FAT2: variants seen among roughly 807,000 people sequenced by gnomAD.
The protein encoded by FAT2 is FAT atypical cadherin 2, also known as protocadherin Fat 2.
In FAT2, 150 loss-of-function variants were observed where a neutral mutation model predicts 295.3. The ratio of observed to expected loss-of-function variants is 0.51; its 90% confidence interval spans 0.44 to 0.58. FAT2 has a LOEUF of 0.58. FAT2 is among the 20% of genes least tolerant of loss of function. The pLI is 0.00. For synonymous variants in FAT2, 2,026 were observed against 2,150.3 expected, an observed-to-expected ratio of 0.94 and a Z score of 1.60; for missense variants, 4,868 against 5,442.7, an observed-to-expected ratio of 0.89 and a Z score of 3.32.
chr5:151,591,242 A>G lies in FAT2; in HGVS notation c.-98T>C, dbSNP rs1306853181. Among the ~76,000 whole-genome samples the G allele has an allele frequency of 6.6e-6, 1 of 152,236 alleles. No individual in the cohort carries two copies. Among genetic ancestry groups the G allele is most frequent in the Non-Finnish European group, 1.5e-5 (1 of 68,036 alleles). ...CCCCTCTCACGAGGGCCAGGCTGAC[A>G]GGCTCCTGAGGGAGGTGCAGAGACT... On this transcript the variant is annotated 5_prime_UTR_variant, in exon 1 of 24. Transcript: ENST00000261800.
At chr5:151,510,313 G>T in intron 21 of FAT2, 139 bp from the exon 22 acceptor site, 2 of 986,122 alleles carry the variant, frequency 2.0e-6, no homozygotes, top group Non-Finnish European at 3.0e-6. Flanking sequence ...GCCCAATACC[G>T]TGCTGGGCAT....
At chr5:151,522,355 C>G (rs984168986) in intron 18 of FAT2, among the ~76,000 whole-genome samples, 1 of 152,230 alleles carries the variant, frequency 6.6e-6, no homozygotes, top group Admixed American at 6.5e-5. Flanking sequence ...CATGTGACAT[C>G]TCTCTGAGCC....
At chr5:151,558,037 T>G (rs748299701) in intron 3 of FAT2, among the ~76,000 whole-genome samples, 1 of 152,340 alleles carries the variant, frequency 6.6e-6, no homozygotes, top group Non-Finnish European at 1.5e-5. Flanking sequence ...CAGCCTCCTC[T>G]GCAAAAGGAG....
chr5:151,557,659 A>G (rs919067904), intron 3 of FAT2, among the ~76,000 whole-genome samples: 2 of 152,192 alleles, frequency 1.3e-5, no homozygotes, highest in East Asian at 1.9e-4. Flanking sequence ...CTGCAGCCAT[A>G]CTATGTTTGG....
intron 17 of FAT2, among the ~76,000 whole-genome samples, chr5:151,526,665 G>A (rs1228012469): frequency 6.6e-6 from 1 of 152,118 alleles, no homozygotes; most frequent in Non-Finnish European, 1.5e-5. Context: ...TTTTTAGTCA[G>A]GTAACTTATT....
chr5:151,565,461 A>ATATGTG (rs1206137301), intron 2 of FAT2, among the ~76,000 whole-genome samples: 2 of 152,172 alleles, frequency 1.3e-5, no homozygotes, highest in Non-Finnish European at 2.9e-5. Flanking sequence ...ATATGTGCAT[A>ATATGTG]TATGTGTATG....
Position 151,507,613 on chromosome 5 carries a change from T to C in FAT2, c.12060-2A>G. On this transcript the variant is annotated splice_acceptor_variant, in intron 22 of 23. Coordinates refer to ENST00000261800, the MANE Select transcript of FAT2 (RefSeq NM_001447.3). LOFTEE classifies it high-confidence loss of function. ...CAACCCCTCGCCTCCATTTCACACC[T>C]GCGGAGACAGAGTAGTCAGGGGGCC... 1 of 1,508,830 alleles carries C rather than the reference T, an allele frequency of 6.6e-7. No individual in the cohort carries two copies. Among genetic ancestry groups the C allele is most frequent in the Non-Finnish European group, 8.8e-7 (1 of 1,140,532 alleles). 93.5% of individuals were successfully genotyped at this position (1,508,830 alleles called of 1,614,324 possible).
chr5:151,560,359 T>G (rs1439676966), intron 3 of FAT2, among the ~76,000 whole-genome samples: 1 of 152,262 alleles, frequency 6.6e-6, no homozygotes, highest in African/African-American at 2.4e-5. Flanking sequence ...GTAACTCACT[T>G]TCCCAAGATG....
chr5:151,515,240 C>A (rs573463801), intron 20 of FAT2, among the ~76,000 whole-genome samples: 50 of 152,272 alleles, frequency 3.3e-4, no homozygotes, highest in African/African-American at 1.1e-3. Flanking sequence ...CTGGGTTTTC[C>A]TCCAGCATCA....
rs781646025 is a variant in FAT2, at chr5:151,535,440, A to T, written c.9194-798T>A. On this transcript the variant is annotated intron_variant, in intron 12 of 23. Coordinates refer to ENST00000261800, the MANE Select transcript of FAT2 (RefSeq NM_001447.3). ...CTGACATCATGAGGCTCCCATAACA[A>T]CCCAAGATGACTGGGTTCCGAGAGC... Among the ~76,000 whole-genome samples, 164 of 152,192 alleles carry T rather than the reference A, an allele frequency of 1.1e-3. 3 individuals carry two copies. The highest frequency in any genetic ancestry group is 4.6e-4 in the Admixed American group (7 of 15,296).
intron 1 of FAT2, among the ~76,000 whole-genome samples, chr5:151,581,659 G>A (rs996638721): frequency 3.3e-5 from 5 of 152,292 alleles, no homozygotes; most frequent in Admixed American, 3.3e-4. Context: ...TCATTTTGTA[G>A]ATGAGATAAC....
In FAT2 at chr5:151,556,172, C is replaced by T; in HGVS notation, c.3633+172G>A. ...CACAGTTTCAGACTCCTTCCCTTCT[C>T]AGTGCTGAGGAGCTAGCAAAGATCC... On this transcript the variant is annotated intron_variant, in intron 4 of 23. Transcript: ENST00000261800. 3 of 629,146 alleles carry T rather than the reference C, an allele frequency of 4.8e-6. No homozygotes were observed. The East Asian group carries it at 8.3e-5, about 17-fold the overall frequency. The allele number at this position is 629,146 out of a possible 1,614,324, so 39.0% of individuals were successfully genotyped here.
At chr5:151,541,692 T>C (rs1448247476) in intron 10 of FAT2, among the ~76,000 whole-genome samples, 1 of 152,252 alleles carries the variant, frequency 6.6e-6, no homozygotes, top group Non-Finnish European at 1.5e-5. Context: ...AGGTATCCAC[T>C]AATGAAAGCA....
chr5:151,560,089 T>C (rs1378596347), intron 3 of FAT2, among the ~76,000 whole-genome samples: 1 of 152,180 alleles, frequency 6.6e-6, no homozygotes, highest in Admixed American at 6.5e-5. Context: ...CCACCTGTGA[T>C]AGATTCCTGA....
chr5:151,509,908 G>A (rs1581269314), intron 22 of FAT2, 113 bp downstream of exon 22: 2 of 1,272,998 alleles, frequency 1.6e-6, no homozygotes, highest in African/African-American at 3.0e-5. Flanking sequence ...AGGCCTAGAA[G>A]CCAGGTCCCT....
At position 151,505,529 on chromosome 5, in the gene FAT2, T is replaced by G. The variant is rs1760769355; in HGVS notation, c.*36A>C. On this transcript the variant is annotated 3_prime_UTR_variant, in exon 24 of 24. Coordinates refer to ENST00000261800, the MANE Select transcript of FAT2 (RefSeq NM_001447.3). ...GGAAGAAATAAGCCAAGTCCAGTCC[T>G]TGGCCTCCCGCCTGCCTTGCTCTGG... 1 of 1,612,612 alleles carries G rather than the reference T, an allele frequency of 6.2e-7. No homozygotes were observed. Among genetic ancestry groups the G allele is most frequent in the Non-Finnish European group, 8.5e-7 (1 of 1,179,530 alleles).
chr5:151,561,722 C>T (rs774125160), intron 3 of FAT2, among the ~76,000 whole-genome samples: 15 of 152,206 alleles, frequency 9.9e-5, no homozygotes, highest in African/African-American at 1.7e-4. Context: ...ACAGGGAAGC[C>T]ATACAAGGCA....
At chr5:151,525,672 T>C (rs1210716665) in intron 18 of FAT2, 96 bp downstream of exon 18, 1 of 1,397,798 alleles carries the variant, frequency 7.2e-7, no homozygotes, top group Non-Finnish European at 1.0e-6. Flanking sequence ...AAGTGCTTTG[T>C]ACATTTTTTC....
At position 151,543,143 on chromosome 5, in the gene FAT2, T is replaced by G; in HGVS notation, c.7984A>C (p.Lys2662Gln). 6.2e-7 allele frequency: 1 copy of G among 1,614,176 alleles called. No homozygotes were observed. The highest frequency in any genetic ancestry group is 8.5e-7 in the Non-Finnish European group (1 of 1,180,030). ...TGAGGAGGGCCTCCATCTTGGGCTT[T>G]GATGAAGAAGTCAAGGGTCTGATTT... ...LENQTLDFFI[K>Q]AQDGGPPHWN... is the part of the protein sequence containing the mutation. Residue 2662 changes from lysine (K) to glutamine (Q), a missense_variant, in exon 10 of 24, where the codon AAA becomes CAA. Around this residue, in one of 5 missense-constraint regions of FAT2, gnomAD observed 3,297 missense variants for 3,669.4 expected, o/e 0.90. Transcript: ENST00000261800.
Sources: gnomAD v4.1 joint callset for allele counts (sites outside exome capture counted in the v4.1 genomes callset) on GRCh38, gnomAD v4.1.1 for gene constraint, gnomAD v4.1.1 regional missense constraint, MANE v1.5 for transcripts, NCBI Gene and HGNC (gene_info 2026-07-23, HGNC 2026-07-21) for gene names.